Variants in SYDE2 observed in about 807,000 individuals in gnomAD.
SYDE2 encodes the protein rho GTPase-activating protein SYDE2.
Under a neutral mutation model 91.5 loss-of-function variants are expected in SYDE2, and 76 were observed. The observed-to-expected ratio is 0.83, with a 90% confidence interval of 0.69 to 1.01. SYDE2 has a LOEUF of 1.01. Ranked by LOEUF, SYDE2 falls within the 50% of genes least tolerant of loss-of-function variation. The probability of loss-of-function intolerance (pLI) is 0.00; values close to 1 mark genes in which losing one functional copy is unlikely to be tolerated. For synonymous variants in SYDE2, 513 were observed against 506.4 expected (o/e 1.01, Z -0.18); for missense variants, 1,364 against 1,367.7 (o/e 1.00, Z 0.04).
chr1:85,181,945 T>G (rs1259000859), intron 3 of SYDE2, 153 bp downstream of exon 3: 5 of 830,278 alleles, frequency 6.0e-6, no homozygotes, highest in Non-Finnish European at 8.9e-6. Context: ...AAGTTAAAAA[T>G]TATACCCTAA....
At chr1:85,171,064 T>G (rs886879053) in intron 4 of SYDE2, among the ~76,000 whole-genome samples, 1 of 152,110 alleles carries the variant, frequency 6.6e-6, no homozygotes, top group African/African-American at 2.4e-5. Context: ...CTATTTCAAA[T>G]AGAGAACGCA....
intron 5 of SYDE2, among the ~76,000 whole-genome samples, chr1:85,164,986 G>C (rs1310910422): frequency 6.6e-6 from 1 of 152,124 alleles, no homozygotes; most frequent in African/African-American, 2.4e-5. Flanking sequence ...TGTAATCCTA[G>C]CACTCTGGGA....
rs1339834307 is a variant in SYDE2, at chr1:85,200,592, C to G, written c.405G>C (p.Arg135=). 6.4e-7 allele frequency: 1 copy of G among 1,573,462 alleles called. No homozygotes were observed. Among genetic ancestry groups the G allele is most frequent in the South Asian group, 1.1e-5 (1 of 88,354 alleles). ...GCTGGAGGCCGGTGGGTGCAGCCGC[C>G]CGGGCGCGGTCCCCACTCCAGCCGT... is the stretch of plus-strand genomic sequence containing the variant. ...RMDGWSGDRA[R]AAAPTGLQPP... is the part of the protein sequence containing the mutation. The change falls in exon 1 of 7, where the codon CGG becomes CGC. Residue 135 remains arginine (R), a synonymous_variant. Transcript: ENST00000341460.
chr1:85,164,911 A>G (rs1657208096), intron 5 of SYDE2, among the ~76,000 whole-genome samples, 154 bp from the exon 6 acceptor site: 1 of 152,190 alleles, frequency 6.6e-6, no homozygotes, highest in African/African-American at 2.4e-5. Flanking sequence ...CCTAGAACAT[A>G]GTTTCTAATA....
chr1:85,194,722 G>T, intron 1 of SYDE2: 1 of 620,100 alleles, frequency 1.6e-6, no homozygotes, highest in Non-Finnish European at 2.0e-6. Flanking sequence ...TCCACACAGT[G>T]GTGAACTACC....
intron 1 of SYDE2, among the ~76,000 whole-genome samples, chr1:85,198,811 G>A (rs900107393): frequency 3.3e-5 from 5 of 150,132 alleles, no homozygotes; most frequent in East Asian, 3.9e-4. Flanking sequence ...AAGCCAAAGG[G>A]GGGGAGGTAA....
intron 6 of SYDE2, among the ~76,000 whole-genome samples, chr1:85,162,993 G>T (rs1657115203): frequency 6.6e-6 from 1 of 151,874 alleles, no homozygotes; most frequent in African/African-American, 2.4e-5. Context: ...CTTGATTCAG[G>T]GTTTTAAAAT....
Position 85,182,153 on chromosome 1 carries a change from A to G in SYDE2, c.2489T>C (p.Met830Thr), listed in dbSNP as rs559595503. Residue 830 changes from methionine to threonine, a missense_variant, in exon 3 of 7, where the codon ATG (methionine) becomes ACG (threonine). Transcript: ENST00000341460. The stretch of plus-strand genomic sequence containing the variant: ...ACATTTCTGTATCAGAAGGGGCACC[A>G]TCAGTCCTATATTTTCTTTCTCTAC... ...KVVEKENIGL[M>T]VPLLIQKCIM... 9 of 1,604,720 alleles carry G rather than the reference A, an allele frequency of 5.6e-6. 1 individual carries two copies. The highest frequency in any genetic ancestry group is 4.5e-5 in the South Asian group (4 of 89,264).
chr1:85,168,435 C>G (rs1298318033), intron 5 of SYDE2, among the ~76,000 whole-genome samples: 1 of 152,122 alleles, frequency 6.6e-6, no homozygotes, highest in Non-Finnish European at 1.5e-5. Flanking sequence ...TCCTATTTTC[C>G]CTTCTATTCT....
chr1:85,172,454 T>C (rs1005314202), intron 4 of SYDE2, among the ~76,000 whole-genome samples: 3 of 152,086 alleles, frequency 2.0e-5, no homozygotes, highest in African/African-American at 4.8e-5. Context: ...ATTTTTTTTT[T>C]CTCATTGCAA....
At chr1:85,186,712 A>G (rs1348976031) in intron 2 of SYDE2, among the ~76,000 whole-genome samples, 4 of 151,790 alleles carry the variant, frequency 2.6e-5, no homozygotes, top group African/African-American at 7.3e-5. Flanking sequence ...ATAATGCCAC[A>G]TATCTACAAC....
intron 1 of SYDE2, among the ~76,000 whole-genome samples, chr1:85,191,118 C>A (rs939384952): frequency 6.6e-6 from 1 of 152,036 alleles, no homozygotes; most frequent in East Asian, 1.9e-4. Context: ...GAATAAGTTT[C>A]AATTCATTAT....
chr1:85,162,137 T>C (rs1363836927), intron 6 of SYDE2, among the ~76,000 whole-genome samples: 1 of 152,160 alleles, frequency 6.6e-6, no homozygotes. Context: ...AAGCAAATTA[T>C]CTTCTTGCCC....
At chr1:85,156,431 A>G (rs1165278195), downstream of SYDE2, among the ~76,000 whole-genome samples, 1 of 152,044 alleles carries the variant, frequency 6.6e-6, no homozygotes. Flanking sequence ...TGGCAGCCTC[A>G]GAAAGGAGCA....
rs965271676 is a variant in SYDE2, at chr1:85,178,917, T to G, written c.2545-645A>C. 6.6e-5 allele frequency among the ~76,000 whole-genome samples: 10 copies of G among 152,094 alleles called. 1 individual carries two copies. The highest frequency in any genetic ancestry group is 2.0e-4 in the Admixed American group (3 of 15,290). The stretch of plus-strand genomic sequence containing the variant: ...AAAATAAAACCTCTATTTCAAAATT[T>G]ATATAAGATGCACAGACACTACCCA... On this transcript the variant is annotated intron_variant, in intron 3 of 6. Transcript: ENST00000341460.
intron 3 of SYDE2, among the ~76,000 whole-genome samples, chr1:85,178,996 T>C (rs1271231819): frequency 6.6e-6 from 1 of 152,174 alleles, no homozygotes; most frequent in Non-Finnish European, 1.5e-5. Context: ...ATACAGGTTC[T>C]AAAATATTAA....
intron 2 of SYDE2, among the ~76,000 whole-genome samples, chr1:85,185,125 A>G (rs1557753607): frequency 2.7e-5 from 4 of 150,416 alleles, no homozygotes; most frequent in Admixed American, 6.6e-5. Flanking sequence ...AACTGTCTAA[A>G]TATTTCCTTT....
In SYDE2 at chr1:85,190,644, G is replaced by C. The variant is rs763668872; in HGVS notation, c.854C>G (p.Ser285Ter). The C allele has an allele frequency of 3.7e-6, 6 of 1,613,756 alleles. No individual in the cohort carries two copies. The highest frequency in any genetic ancestry group is 5.1e-6 in the Non-Finnish European group (6 of 1,179,874). ...GHKPLNSITVSKKRNWLYQST... is the reference protein window; with the variant it reads ...GHKPLNSITV ...CTGATATAGCCAATTGCGTTTCTTT[G>C]AAACAGTGATGCTGTTAAGTGGCTT... The change falls in exon 2 of 7, where the codon TCA becomes TGA. Residue 285 changes from serine to a stop codon, truncating the protein, a stop_gained. Coordinates refer to ENST00000341460, the MANE Select transcript of SYDE2 (RefSeq NM_032184.2). LOFTEE classifies it high-confidence loss of function.
chr1:85,160,084 C>A, intron 6 of SYDE2: 1 of 984,240 alleles, frequency 1.0e-6, no homozygotes, highest in Non-Finnish European at 1.2e-6. Context: ...ATAAAATAGA[C>A]AATTTAAAAT....
Sources: gnomAD v4.1 joint callset for allele counts (sites outside exome capture counted in the v4.1 genomes callset) on GRCh38, gnomAD v4.1.1 for gene constraint, MANE v1.5 for transcripts, NCBI Gene and HGNC (gene_info 2026-07-23, HGNC 2026-07-21) for gene names.